UTP23: variants seen among roughly 807,000 people sequenced by gnomAD.
UTP23 encodes UTP23 small subunit processome component.
Under a neutral mutation model 19.8 loss-of-function variants are expected in UTP23, and 10 were observed. The observed-to-expected ratio is 0.50, with a 90% confidence interval of 0.31 to 0.86. The LOEUF (loss-of-function observed/expected upper bound fraction) is 0.86. UTP23 is among the 40% of genes least tolerant of loss of function. UTP23 has a pLI of 0.05. For synonymous variants in UTP23, 108 were observed against 105.4 expected (o/e 1.02, Z -0.15); for missense variants, 282 against 293.1 (o/e 0.96, Z 0.28).
rs538741205 is a variant in UTP23 at position 116,768,768 on chromosome 8, G to T, written c.189-1424G>T. Among the ~76,000 whole-genome samples, 5 of 152,276 alleles carry T rather than the reference G, an allele frequency of 3.3e-5. No homozygotes were observed. In the East Asian group the frequency reaches 9.6e-4, roughly 29 times the overall value. On this transcript the variant is annotated intron_variant, in intron 1 of 2. Transcript: ENST00000309822. ...CAGCCTCCGCCTCCCGGGTTCAAGT[G>T]ATTTCCCTACATCAGCCTCCCAAGT... is the stretch of plus-strand genomic sequence containing the variant.
intron 2 of UTP23, 52 bp from the exon 3 acceptor site, chr8:116,771,404 A>C: frequency 7.5e-7 from 1 of 1,332,510 alleles, no homozygotes; most frequent in Non-Finnish European, 9.8e-7. Context: ...AAACCTATTT[A>C]AGGTACCTTA....
In UTP23 at chr8:116,774,242, C is replaced by T. The variant is rs571317944; in HGVS notation, c.*2400C>T. 2.6e-4 allele frequency: 252 copies of T among 985,350 alleles called. 2 individuals carry two copies. In the South Asian group the frequency reaches 0.01, roughly 40 times the overall value. 61.0% of individuals were successfully genotyped at this position (985,350 alleles called of 1,614,324 possible). On this transcript the variant is annotated 3_prime_UTR_variant, in exon 3 of 3. Transcript: ENST00000309822. ...TTTGCAGTTGTGTATGGGCACGATA[C>T]TGTATTCTTTACATTTTTATGGCCC... is the stretch of plus-strand genomic sequence containing the variant.
In UTP23 at chr8:116,771,610, A is replaced by T; in HGVS notation, c.518A>T (p.Glu173Val). Residue 173 changes from glutamate to valine, a missense_variant, in exon 3 of 3, where the codon GAA (glutamate) becomes GTA (valine). By Grantham distance (121) the Glu-to-Val change is moderately radical. Coordinates refer to ENST00000309822, the MANE Select transcript of UTP23 (RefSeq NM_032334.3). ...SGQLVSVHEK[E>V]SIKHLKEEQG... ...CAGCTTGTCTCAGTGCATGAGAAAG[A>T]AAGTATCAAACATCTCAAAGAGGAA... The T allele has an allele frequency of 6.2e-7, 1 of 1,612,020 alleles. No individual in the cohort carries two copies. Among genetic ancestry groups the T allele is most frequent in the Non-Finnish European group, 8.5e-7 (1 of 1,179,512 alleles).
In UTP23 at chr8:116,772,734, T is replaced by C. The variant is rs1815675327; in HGVS notation, c.*892T>C. 3 of 985,272 alleles carry C rather than the reference T, an allele frequency of 3.0e-6. No individual in the cohort carries two copies. The Admixed American group carries it at 1.8e-4, about 61-fold the overall frequency. The allele number at this position is 985,272 out of a possible 1,614,324, so 61.0% of individuals were successfully genotyped here. A position where few individuals can be genotyped will look rare whatever the true frequency, so the allele number is the denominator to read the frequency against. On this transcript the variant is annotated 3_prime_UTR_variant, in exon 3 of 3. Transcript: ENST00000309822. ...CTTTGAGATTGACTGTGAATGTTAT[T>C]GAAAAGTGTCTAAATTAGTCTGAGG... is the stretch of plus-strand genomic sequence containing the variant.
chr8:116,770,724 G>T (rs1486875495), intron 2 of UTP23: 1 of 166,236 alleles, frequency 6.0e-6, no homozygotes, highest in Non-Finnish European at 1.3e-5. Flanking sequence ...GGGATTACAG[G>T]TGTTTGCCAT....
Position 116,772,009 on chromosome 8 carries a change from C to A in UTP23, c.*167C>A. 3 of 1,309,076 alleles carry A rather than the reference C, an allele frequency of 2.3e-6. No individual in the cohort carries two copies. Among genetic ancestry groups the A allele is most frequent in the Non-Finnish European group, 2.9e-6 (3 of 1,032,584 alleles). The allele number at this position is 1,309,076 out of a possible 1,614,324, so 81.1% of individuals were successfully genotyped here. On this transcript the variant is annotated 3_prime_UTR_variant, in exon 3 of 3. Transcript: ENST00000309822. ...ACCAGTCTAGCCAGCATGGCAAAAC[C>A]CCATCTCTACTAAAATACAAAAATT...
rs1654833142 is a variant in UTP23, at chr8:116,772,092, G to T, written c.*250G>T. 9.1e-7 allele frequency: 1 copy of T among 1,104,020 alleles called. No individual in the cohort carries two copies. Among genetic ancestry groups the T allele is most frequent in the African/African-American group, 1.6e-5 (1 of 60,976 alleles). The allele number at this position is 1,104,020 out of a possible 1,614,324, so 68.4% of individuals were successfully genotyped here. Reference sequence around the variant, plus strand: ...AGCTACTCAGGAGGCTGAGGCATGAGAATCGCTTGAACCTGGGAGGCAGAG... The same window carrying T: ...AGCTACTCAGGAGGCTGAGGCATGATAATCGCTTGAACCTGGGAGGCAGAG... On this transcript the variant is annotated 3_prime_UTR_variant, in exon 3 of 3. Coordinates refer to ENST00000309822, the MANE Select transcript of UTP23 (RefSeq NM_032334.3).
At position 116,770,346 on chromosome 8, in the gene UTP23, CA is replaced by C; in HGVS notation, c.344del (p.His115LeufsTer13). On this transcript the variant is annotated frameshift_variant, in exon 2 of 3. Transcript: ENST00000309822. LOFTEE classifies it high-confidence loss of function. ...CATGGTTGAAGAGGGAAATCCTCAT[CA>C]TTATTTTGTGGCAACACAGGTGATA... ...LSMVEEGNPH[H>X]YFVATQDQNL... 1 of 1,611,396 alleles carries C rather than the reference CA, an allele frequency of 6.2e-7. No homozygotes were observed. The highest frequency in any genetic ancestry group is 8.5e-7 in the Non-Finnish European group (1 of 1,177,970).
At chr8:116,767,377 G>C (rs868428914) in intron 1 of UTP23, among the ~76,000 whole-genome samples, 1 of 152,162 alleles carries the variant, frequency 6.6e-6, no homozygotes. Flanking sequence ...TATTCAACTC[G>C]CTTTATTAAG....
intron 1 of UTP23, among the ~76,000 whole-genome samples, chr8:116,769,073 G>A (rs1438882763): frequency 6.6e-6 from 1 of 152,228 alleles, no homozygotes; most frequent in Non-Finnish European, 1.5e-5. Flanking sequence ...GCCACTAGTA[G>A]TTAGGTCTCT....
chr8:116,773,010 G>GT lies in UTP23; in HGVS notation c.*1168_*1169insT. ...GATGACGTATGAGTAAATTCTTAAT[G>GT]GTTAAATGTGAGACAGTTCACATTT... On this transcript the variant is annotated 3_prime_UTR_variant, in exon 3 of 3. Coordinates refer to ENST00000309822, the MANE Select transcript of UTP23 (RefSeq NM_032334.3). The GT allele has an allele frequency of 1.0e-6, 1 of 985,098 alleles. No individual in the cohort carries two copies. Among genetic ancestry groups the GT allele is most frequent in the Non-Finnish European group, 1.2e-6 (1 of 829,902 alleles). The allele number at this position is 985,098 out of a possible 1,614,324, so 61.0% of individuals were successfully genotyped here.
Position 116,773,712 on chromosome 8 carries a change from A to T in UTP23, c.*1870A>T. On this transcript the variant is annotated 3_prime_UTR_variant, in exon 3 of 3. Transcript: ENST00000309822. ...GTAGTCCCAGCTACTCGGGAGGCTG[A>T]GGCAGGAGAATCGCTTGAACCCAGG... is the stretch of plus-strand genomic sequence containing the variant. The T allele has an allele frequency of 3.5e-6, 1 of 286,256 alleles. No homozygotes were observed. Among genetic ancestry groups the T allele is most frequent in the Non-Finnish European group, 5.2e-6 (1 of 190,952 alleles). 17.7% of individuals were successfully genotyped at this position (286,256 alleles called of 1,614,324 possible).
Position 116,772,020 on chromosome 8 carries a change from TAAAATACA to T in UTP23, c.*184_*191del. 7.8e-7 allele frequency: 1 copy of T among 1,286,764 alleles called. No individual in the cohort carries two copies. Among genetic ancestry groups the T allele is most frequent in the Non-Finnish European group, 9.8e-7 (1 of 1,018,914 alleles). The allele number at this position is 1,286,764 out of a possible 1,614,324, so 79.7% of individuals were successfully genotyped here. On this transcript the variant is annotated 3_prime_UTR_variant, in exon 3 of 3. Coordinates refer to ENST00000309822, the MANE Select transcript of UTP23 (RefSeq NM_032334.3). Reference sequence around the variant, plus strand: ...CAGCATGGCAAAACCCCATCTCTACTAAAATACAAAAATTAGCTGGGCATGATGGTGCA... The same window carrying T: ...CAGCATGGCAAAACCCCATCTCTACTAAAATTAGCTGGGCATGATGGTGCA...
In UTP23 at chr8:116,774,536, TATATGTATATAGGTATATACAC is replaced by T. The variant is rs1298219576; in HGVS notation, c.*2706_*2727del. On this transcript the variant is annotated 3_prime_UTR_variant, in exon 3 of 3. Transcript: ENST00000309822. ...ATTAGTTTTATATCTCCAAGATATA[TATATGTATATAGGTATATACAC>T]ATATGTATATATACATAGTCTATAT... The T allele has an allele frequency of 1.5e-6, 1 of 678,354 alleles. No individual in the cohort carries two copies. Among genetic ancestry groups the T allele is most frequent in the African/African-American group, 2.0e-5 (1 of 51,182 alleles). 42.0% of individuals were successfully genotyped at this position (678,354 alleles called of 1,614,324 possible).
chr8:116,769,886 G>T (rs1484450586), intron 1 of UTP23, among the ~76,000 whole-genome samples: 1 of 152,126 alleles, frequency 6.6e-6, no homozygotes, highest in Non-Finnish European at 1.5e-5. Context: ...AGAATGGGGT[G>T]CTCTAAAATA....
chr8:116,771,480 A>T lies in UTP23; in HGVS notation c.388A>T (p.Lys130Ter), dbSNP rs1421339766. ...TQDQNLSVKV[K>*]KKPGVPLMFI... The stretch of plus-strand genomic sequence containing the variant: ...GGATCAGAATTTGTCTGTGAAAGTA[A>T]AAAAGAAGCCTGGAGTTCCTCTCAT... Residue 130 changes from lysine (K) to a stop codon, truncating the protein, a stop_gained, in exon 3 of 3, where the codon AAA (lysine) becomes TAA (stop). Transcript: ENST00000309822. LOFTEE classifies it high-confidence loss of function. 1 of 1,498,526 alleles carries T rather than the reference A, an allele frequency of 6.7e-7. No homozygotes were observed. Among genetic ancestry groups the T allele is most frequent in the Non-Finnish European group, 8.9e-7 (1 of 1,126,822 alleles). The allele number at this position is 1,498,526 out of a possible 1,614,324, so 92.8% of individuals were successfully genotyped here. A position where few individuals can be genotyped will look rare whatever the true frequency, so the allele number is the denominator to read the frequency against.
rs1161713576 is a variant in UTP23, at chr8:116,770,670, C to T, written c.363+304C>T. On this transcript the variant is annotated intron_variant, in intron 2 of 2. Transcript: ENST00000309822. ...CTATATTGCCTAGGCTGGTCTCGAA[C>T]CCCTAGGCTAAAGTGATCCTTCCAC... 8 of 202,098 alleles carry T rather than the reference C, an allele frequency of 4.0e-5. No individual in the cohort carries two copies. In the East Asian group the frequency reaches 5.4e-4, roughly 14 times the overall value. 12.5% of individuals were successfully genotyped at this position (202,098 alleles called of 1,614,324 possible).
rs927318632 is a variant in UTP23, at chr8:116,774,083, G to C, written c.*2241G>C. ...TTGGAAAAAGAAAATGTTAACCTCT[G>C]CTTTAGAGGGTAGCTACTAGCTTTG... On this transcript the variant is annotated 3_prime_UTR_variant, in exon 3 of 3. Coordinates refer to ENST00000309822, the MANE Select transcript of UTP23 (RefSeq NM_032334.3). The C allele has an allele frequency of 2.0e-6, 2 of 985,212 alleles. No individual in the cohort carries two copies. Among genetic ancestry groups the C allele is most frequent in the African/African-American group, 3.5e-5 (2 of 57,198 alleles). 61.0% of individuals were successfully genotyped at this position (985,212 alleles called of 1,614,324 possible). A position where few individuals can be genotyped will look rare whatever the true frequency, so the allele number is the denominator to read the frequency against.
Position 116,774,494 on chromosome 8 carries a change from A to G in UTP23, c.*2652A>G, listed in dbSNP as rs1815698501. ...AAAAATGTTTGCTTACTATCTATAT[A>G]TATGACATTATTCCCAATTAGTTTT... On this transcript the variant is annotated 3_prime_UTR_variant, in exon 3 of 3. Transcript: ENST00000309822. The G allele has an allele frequency of 1.1e-6, 1 of 886,744 alleles. No homozygotes were observed. The highest frequency in any genetic ancestry group is 1.4e-6 in the Non-Finnish European group (1 of 740,678). The allele number at this position is 886,744 out of a possible 1,614,324, so 54.9% of individuals were successfully genotyped here.
Sources: gnomAD v4.1 joint callset for allele counts (sites outside exome capture counted in the v4.1 genomes callset) on GRCh38, gnomAD v4.1.1 for gene constraint, MANE v1.5 for transcripts, NCBI Gene and HGNC (gene_info 2026-07-23, HGNC 2026-07-21) for gene names.